Variants in THRB observed in about 807,000 individuals in gnomAD.
THRB encodes thyroid hormone receptor beta, also known as nuclear receptor subfamily 1 group A member 2.
Under a neutral mutation model 47.8 loss-of-function variants are expected in THRB, and 12 were observed. The observed-to-expected ratio is 0.25, with a 90% CI of 0.16 to 0.41. The LOEUF is 0.41. Ranked by LOEUF, THRB falls within the 10% of genes least tolerant of loss-of-function variation. The pLI is 1.00. For missense variants in THRB, 348 were observed against 589.2 expected, an observed-to-expected ratio of 0.59 and a Z score of 4.24; for synonymous variants, 218 against 212.2, an observed-to-expected ratio of 1.03 and a Z score of -0.24.
chr3:24,259,376 A>C (rs766030410), intron 3 of THRB, among the ~76,000 whole-genome samples: 1 of 152,220 alleles, frequency 6.6e-6, no homozygotes, highest in Non-Finnish European at 1.5e-5. Context: ...CGTTCATGCA[A>C]AAGTGAAACC....
intron 5 of THRB, among the ~76,000 whole-genome samples, chr3:24,187,473 G>C (rs939206091): frequency 6.6e-5 from 10 of 152,128 alleles, no homozygotes; most frequent in African/African-American, 2.4e-4. Flanking sequence ...GTATCCTCAG[G>C]ACTATTTTGT....
rs746262104 is a variant in THRB at position 24,190,354 on chromosome 3, G to A, written c.23-20C>T. On this transcript the variant is annotated intron_variant, in intron 4 of 10. Coordinates refer to ENST00000646209, the MANE Select transcript of THRB (RefSeq NM_001354712.2). ...CATTTTCTAAAGGGTTGAAAAACAC[G>A]AGATGACGAGCTGTTGGCATTGTCA... 2.5e-6 allele frequency: 4 copies of A among 1,613,952 alleles called. No homozygotes were observed. Among genetic ancestry groups the A allele is most frequent in the South Asian group, 1.1e-5 (1 of 91,062 alleles).
At chr3:24,145,770 T>C (rs1204563190) in intron 7 of THRB, among the ~76,000 whole-genome samples, 1 of 152,212 alleles carries the variant, frequency 6.6e-6, no homozygotes, top group Non-Finnish European at 1.5e-5. Flanking sequence ...TGATTACTTC[T>C]TTCATCAGGA....
chr3:24,141,709 G>T (rs192414613), intron 8 of THRB, among the ~76,000 whole-genome samples: 21 of 152,314 alleles, frequency 1.4e-4, no homozygotes, highest in Admixed American at 1.2e-3. Flanking sequence ...TCTATGGGGA[G>T]TAAAGACAAT....
At chr3:24,342,718 T>TACA (rs2062757772) in intron 1 of THRB, among the ~76,000 whole-genome samples, 1 of 152,020 alleles carries the variant, frequency 6.6e-6, no homozygotes. Context: ...CAAGGTACCA[T>TACA]ACAAGGTGTT....
At chr3:24,237,461 C>CA (rs1357039875) in intron 3 of THRB, among the ~76,000 whole-genome samples, 1 of 152,148 alleles carries the variant, frequency 6.6e-6, no homozygotes, top group Non-Finnish European at 1.5e-5. Flanking sequence ...TCCAGTTCAA[C>CA]AATCTCATTC....
At chr3:24,459,275 C>T (rs1341018655) in intron 1 of THRB, 1 of 152,174 alleles carries the variant, frequency 6.6e-6, no homozygotes, top group Non-Finnish European at 1.5e-5. Context: ...TCATCCATGT[C>T]CCTGCAAAGG....
chr3:24,203,448 G>A (rs1286233893), intron 4 of THRB, among the ~76,000 whole-genome samples: 4 of 152,114 alleles, frequency 2.6e-5, no homozygotes, highest in Non-Finnish European at 4.4e-5. Flanking sequence ...TAAATGAATA[G>A]GGTTGTCTCA....
chr3:24,271,316 C>T (rs2053303310), intron 3 of THRB, among the ~76,000 whole-genome samples: 1 of 152,122 alleles, frequency 6.6e-6, no homozygotes, highest in Admixed American at 6.5e-5. Flanking sequence ...TGTTCTATCT[C>T]TCAGGATCAG....
chr3:24,288,851 A>T (rs768608777), intron 3 of THRB, among the ~76,000 whole-genome samples: 9 of 152,182 alleles, frequency 5.9e-5, no homozygotes, highest in Non-Finnish European at 1.2e-4. Context: ...TGTTTTGTGA[A>T]ACTTTTGTTT....
intron 4 of THRB, among the ~76,000 whole-genome samples, chr3:24,225,001 CATAACACATAA>C (rs2047514366): frequency 6.6e-6 from 1 of 152,076 alleles, no homozygotes; most frequent in Admixed American, 6.6e-5. Flanking sequence ...CTCATATATC[CATAACACATAA>C]ACAGGTTCTA....
rs146282165 is a variant in THRB at position 24,135,844 on chromosome 3, T to TAAAA, written c.739-2383_739-2382insTTTT. Among the ~76,000 whole-genome samples, 29 of 87,612 alleles carry TAAAA rather than the reference T, an allele frequency of 3.3e-4. No homozygotes were observed. In the East Asian group the frequency reaches 4.2e-3, roughly 13 times the overall value. 57.5% of individuals were successfully genotyped at this position (87,612 alleles called of 152,430 possible). On this transcript the variant is annotated intron_variant, in intron 8 of 10. Transcript: ENST00000646209. ...TCATATATATATATATATATATATA[T>TAAAA]ATAATACATAAATATATATTAATTA... is the stretch of plus-strand genomic sequence containing the variant.
At chr3:24,413,232 C>A (rs936357795) in intron 1 of THRB, among the ~76,000 whole-genome samples, 8 of 151,736 alleles carry the variant, frequency 5.3e-5, no homozygotes, top group African/African-American at 1.5e-4. Context: ...ATGTTAAGGA[C>A]CATTTGAAAA....
At chr3:24,299,885 T>C (rs1207763526) in intron 2 of THRB, among the ~76,000 whole-genome samples, 1 of 151,350 alleles carries the variant, frequency 6.6e-6, no homozygotes, top group South Asian at 2.1e-4. Flanking sequence ...AGTGTGTTCC[T>C]ATTGCTGAAA....
intron 5 of THRB, chr3:24,165,339 G>A (rs2039504203): frequency 1.3e-6 from 1 of 763,076 alleles, no homozygotes; most frequent in African/African-American, 1.7e-5. Context: ...TATATTTCTT[G>A]CATACAGTAG....
At chr3:24,462,717 G>A (rs2073810356) in intron 1 of THRB, among the ~76,000 whole-genome samples, 1 of 152,122 alleles carries the variant, frequency 6.6e-6, no homozygotes, top group African/African-American at 2.4e-5. Context: ...CTTTGTTCCT[G>A]CCCAGATTCT....
At chr3:24,325,823 T>A (rs1479064317) in intron 2 of THRB, among the ~76,000 whole-genome samples, 2 of 151,994 alleles carry the variant, frequency 1.3e-5, no homozygotes, top group East Asian at 3.8e-4. Flanking sequence ...GTAGAAAAAA[T>A]TTTCCAACAT....
intron 2 of THRB, among the ~76,000 whole-genome samples, chr3:24,312,054 CTG>C (rs1278609636): frequency 1.3e-5 from 2 of 152,202 alleles, no homozygotes; most frequent in African/African-American, 4.8e-5. Flanking sequence ...TTCCTTAACA[CTG>C]TGTTTTTGCA....
intron 5 of THRB, among the ~76,000 whole-genome samples, chr3:24,162,946 T>G (rs2039099106): frequency 6.6e-6 from 1 of 152,172 alleles, no homozygotes; most frequent in African/African-American, 2.4e-5. Context: ...TTGGAGTTTA[T>G]AAAGCTGTAA....
Sources: allele counts gnomAD v4.1 joint callset (sites outside exome capture counted in the v4.1 genomes callset), GRCh38; gene constraint gnomAD v4.1.1; transcripts MANE v1.5; gene names NCBI Gene and HGNC (gene_info 2026-07-23, HGNC 2026-07-21).